The following PSD3 variants were observed in gnomAD, a reference collection of about 807,000 sequenced individuals.
The protein encoded by PSD3 is PH and SEC7 domain-containing protein 3.
A neutral mutation model predicts 105.5 loss-of-function variants in PSD3; 49 were observed. The observed-to-expected ratio is 0.46, with a 90% CI of 0.37 to 0.59. The LOEUF (loss-of-function observed/expected upper bound fraction) is 0.59, where lower values mean the gene tolerates loss of function less well. Among genes scored for constraint, PSD3 ranks in the 20% least tolerant of loss-of-function variants. The pLI, the probability that PSD3 is intolerant of heterozygous loss-of-function variation, is 0.00. For missense variants in PSD3, 1,561 were observed against 1,263.8 expected (o/e 1.24, Z -3.57); for synonymous variants, 557 against 457.8 (o/e 1.22, Z -2.77).
intron 9 of PSD3, among the ~76,000 whole-genome samples, chr8:18,668,134 G>T (rs559554272): frequency 6.6e-6 from 1 of 152,362 alleles, no homozygotes; most frequent in South Asian, 2.1e-4. Context: ...GGCTCCCACA[G>T]TGCAGCGGCA....
At chr8:18,642,866 A>C (rs1472072113) in intron 10 of PSD3, among the ~76,000 whole-genome samples, 1 of 152,202 alleles carries the variant, frequency 6.6e-6, no homozygotes, top group Non-Finnish European at 1.5e-5. Flanking sequence ...TTGGCCTTTT[A>C]AAGCTAAGAA....
intron 10 of PSD3, among the ~76,000 whole-genome samples, chr8:18,638,739 T>C (rs1807443567): frequency 6.6e-6 from 1 of 151,972 alleles, no homozygotes; most frequent in Non-Finnish European, 1.5e-5. Context: ...ATAGAAAAAA[T>C]ACTAAAATTT....
chr8:18,841,999 C>A (rs558978812), intron 4 of PSD3, among the ~76,000 whole-genome samples: 1 of 152,162 alleles, frequency 6.6e-6, no homozygotes. Flanking sequence ...GTCACAGGAG[C>A]AGAAAGGCAG....
At chr8:18,592,936 C>T (rs939703341) in intron 12 of PSD3, among the ~76,000 whole-genome samples, 8 of 152,312 alleles carry the variant, frequency 5.3e-5, no homozygotes, top group African/African-American at 1.7e-4. Flanking sequence ...AAAGCTGAAA[C>T]TGGATCCCTT....
intron 11 of PSD3, among the ~76,000 whole-genome samples, chr8:18,624,163 A>T (rs1806318877): frequency 6.6e-6 from 1 of 152,162 alleles, no homozygotes; most frequent in Non-Finnish European, 1.5e-5. Flanking sequence ...AAGAATAAAC[A>T]TTTCCAACTT....
At chr8:18,657,337 T>C (rs914635109) in intron 9 of PSD3, among the ~76,000 whole-genome samples, 1 of 152,246 alleles carries the variant, frequency 6.6e-6, no homozygotes, top group East Asian at 1.9e-4. Flanking sequence ...TTATATTATT[T>C]ACGACTCAAT....
intron 4 of PSD3, among the ~76,000 whole-genome samples, chr8:18,854,948 C>G (rs1036038010): frequency 6.6e-6 from 1 of 152,194 alleles, no homozygotes; most frequent in Admixed American, 6.5e-5. Flanking sequence ...ACACAGCTGT[C>G]AGACACAGGC....
chr8:18,995,136 G>T (rs1375075719), intron 1 of PSD3, among the ~76,000 whole-genome samples: 1 of 152,156 alleles, frequency 6.6e-6, no homozygotes, highest in East Asian at 1.9e-4. Context: ...GGAATCCAGA[G>T]AATTTAAAAG....
At chr8:18,708,295 A>G (rs901729) in intron 9 of PSD3, among the ~76,000 whole-genome samples, 113,846 of 152,086 alleles carry the variant, frequency 0.75, 46,762 homozygotes, top group Non-Finnish European at 0.94. Flanking sequence ...ATTCCTCTAC[A>G]TTGTATGGAA....
At chr8:18,775,776 C>T (rs1358738155) in intron 8 of PSD3, among the ~76,000 whole-genome samples, 1 of 152,132 alleles carries the variant, frequency 6.6e-6, no homozygotes, top group Non-Finnish European at 1.5e-5. Flanking sequence ...CATTCTGTAG[C>T]TTGTATCTTC....
intron 9 of PSD3, among the ~76,000 whole-genome samples, chr8:18,750,472 G>A (rs889915832): frequency 3.9e-5 from 6 of 152,108 alleles, no homozygotes; most frequent in Admixed American, 6.6e-5. Context: ...GCAGATCTTC[G>A]CGGTGAGTGT....
intron 1 of PSD3, among the ~76,000 whole-genome samples, chr8:19,075,952 C>T (rs1342291942): frequency 1.3e-5 from 2 of 152,134 alleles, no homozygotes; most frequent in African/African-American, 4.8e-5. Flanking sequence ...GAATATATAG[C>T]TTCTAATTGG....
chr8:18,863,551 C>T (rs1482184987), intron 4 of PSD3, among the ~76,000 whole-genome samples: 2 of 152,146 alleles, frequency 1.3e-5, no homozygotes, highest in African/African-American at 4.8e-5. Flanking sequence ...GCAGAGCAAG[C>T]ACCTGGGAGA....
intron 12 of PSD3, among the ~76,000 whole-genome samples, chr8:18,584,088 T>G (rs75694374): frequency 9.9e-4 from 151 of 152,284 alleles, no homozygotes; most frequent in African/African-American, 3.5e-3. Context: ...CTGGGAACAA[T>G]AGACCTGAAA....
At chr8:18,722,277 G>C (rs1384759850) in intron 9 of PSD3, among the ~76,000 whole-genome samples, 1 of 152,126 alleles carries the variant, frequency 6.6e-6, no homozygotes, top group Non-Finnish European at 1.5e-5. Flanking sequence ...GAAGCTGGTT[G>C]TTCCCTTTTT....
chr8:19,020,088 C>T (rs191912560), intron 1 of PSD3, among the ~76,000 whole-genome samples: 3 of 152,112 alleles, frequency 2.0e-5, no homozygotes, highest in Non-Finnish European at 4.4e-5. Context: ...TTCATTCATT[C>T]ATGTGACAAA....
chr8:18,653,171 A>T (rs1244715513), intron 10 of PSD3, among the ~76,000 whole-genome samples: 1 of 152,206 alleles, frequency 6.6e-6, no homozygotes, highest in Non-Finnish European at 1.5e-5. Flanking sequence ...AAACACTGAA[A>T]TATGGCAAAA....
At chr8:18,932,816 C>T (rs17127459) in intron 2 of PSD3, among the ~76,000 whole-genome samples, 1 of 152,186 alleles carries the variant, frequency 6.6e-6, no homozygotes, top group Non-Finnish European at 1.5e-5. Context: ...CAAACAATTT[C>T]TATTTCCTGC....
chr8:18,928,345 T>C (rs1305000869), intron 2 of PSD3, among the ~76,000 whole-genome samples: 1 of 152,328 alleles, frequency 6.6e-6, no homozygotes, highest in South Asian at 2.1e-4. Flanking sequence ...TCCACCATGA[T>C]TGTGAGGCCT....
Sources: gnomAD v4.1 joint callset for allele counts (sites outside exome capture counted in the v4.1 genomes callset) on GRCh38, gnomAD v4.1.1 for gene constraint, MANE v1.5 for transcripts, NCBI Gene and HGNC (gene_info 2026-07-23, HGNC 2026-07-21) for gene names.